Variants in DPP10 observed in about 807,000 individuals in gnomAD.
DPP10 encodes the protein inactive dipeptidyl peptidase 10.
DPP10 carries 33 observed loss-of-function variants against 120.9 expected under a neutral mutation model. That is an observed-to-expected ratio of 0.27 (90% CI 0.21 to 0.37). DPP10 has a LOEUF of 0.37. DPP10 is among the 10% of genes least tolerant of loss of function. DPP10 has a pLI of 1.00. For synonymous variants in DPP10, 337 were observed against 326.1 expected (o/e 1.03, Z -0.36); for missense variants, 816 against 942.8 (o/e 0.87, Z 1.76).
intron 1 of DPP10, among the ~76,000 whole-genome samples, chr2:114,449,889 G>A (rs573589804): frequency 2.4e-4 from 36 of 152,038 alleles, no homozygotes; most frequent in African/African-American, 8.0e-4. Context: ...GAAGTCACCC[G>A]GGGGATGAAA....
chr2:114,746,823 C>T (rs1354685904), intron 1 of DPP10, among the ~76,000 whole-genome samples: 2 of 152,138 alleles, frequency 1.3e-5, no homozygotes, highest in African/African-American at 2.4e-5. Context: ...TCACAAGGAA[C>T]AAGATGCTAT....
chr2:114,504,486 C>A (rs1392219391), intron 1 of DPP10, among the ~76,000 whole-genome samples: 1 of 152,090 alleles, frequency 6.6e-6, no homozygotes, highest in Non-Finnish European at 1.5e-5. Flanking sequence ...CACCCTCTAT[C>A]GTTGTCTCTA....
chr2:115,505,884 T>C (rs2076913043), intron 4 of DPP10, among the ~76,000 whole-genome samples: 1 of 152,132 alleles, frequency 6.6e-6, no homozygotes, highest in Non-Finnish European at 1.5e-5. Flanking sequence ...ATATGTTAAT[T>C]AGCTTGCTTT....
chr2:115,812,347 G>A (rs1252379475), intron 19 of DPP10, among the ~76,000 whole-genome samples: 1 of 152,066 alleles, frequency 6.6e-6, no homozygotes, highest in Non-Finnish European at 1.5e-5. Flanking sequence ...CCTGAAGAAG[G>A]TCTACTTCAA....
intron 1 of DPP10, chr2:115,234,125 C>T (rs963088335): frequency 1.2e-5 from 4 of 331,336 alleles, no homozygotes; most frequent in African/African-American, 9.0e-5. Flanking sequence ...TTTTATAGAT[C>T]TGTGTTTATT....
At chr2:115,075,615 C>T (rs1431250147) in intron 1 of DPP10, among the ~76,000 whole-genome samples, 1 of 151,766 alleles carries the variant, frequency 6.6e-6, no homozygotes, top group Non-Finnish European at 1.5e-5. Context: ...TTAAATATCT[C>T]TTGAATCTCT....
intron 1 of DPP10, among the ~76,000 whole-genome samples, chr2:115,160,917 GT>G (rs1466964784): frequency 6.6e-6 from 1 of 152,136 alleles, no homozygotes; most frequent in Admixed American, 6.5e-5. Flanking sequence ...CTCACAGTGT[GT>G]TTGGCACGTG....
chr2:114,792,063 C>T (rs1034489666), intron 1 of DPP10, among the ~76,000 whole-genome samples: 2 of 151,968 alleles, frequency 1.3e-5, no homozygotes, highest in African/African-American at 4.8e-5. Flanking sequence ...AGCCTGTTTC[C>T]TTGGAATTTT....
chr2:114,894,679 T>C (rs1692821669), intron 1 of DPP10, among the ~76,000 whole-genome samples: 2 of 152,168 alleles, frequency 1.3e-5, no homozygotes, highest in Admixed American at 6.6e-5. Flanking sequence ...GATTTTTAAA[T>C]AACCTGATTT....
intron 1 of DPP10, among the ~76,000 whole-genome samples, chr2:114,908,260 T>G (rs1449972622): frequency 6.6e-6 from 1 of 152,028 alleles, no homozygotes; most frequent in Non-Finnish European, 1.5e-5. Flanking sequence ...TCTAGTCTAA[T>G]GATCTTTCAC....
chr2:115,174,009 G>A (rs1166556783), intron 1 of DPP10, among the ~76,000 whole-genome samples: 1 of 152,190 alleles, frequency 6.6e-6, no homozygotes, highest in Non-Finnish European at 1.5e-5. Flanking sequence ...CTGTGATGAT[G>A]TCGATAAAGA....
intron 1 of DPP10, among the ~76,000 whole-genome samples, chr2:114,972,302 A>C (rs1699451031): frequency 6.6e-6 from 1 of 152,196 alleles, no homozygotes; most frequent in Admixed American, 6.5e-5. Flanking sequence ...AATTCAACAG[A>C]TGTTACATTC....
intron 1 of DPP10, among the ~76,000 whole-genome samples, chr2:115,004,365 C>A (rs1323271951): frequency 1.3e-5 from 2 of 152,100 alleles, no homozygotes; most frequent in South Asian, 2.1e-4. Context: ...GGGGGAGGAG[C>A]CAAGATGGCC....
chr2:115,586,236 A>G (rs1261688367), intron 5 of DPP10, among the ~76,000 whole-genome samples: 5 of 152,170 alleles, frequency 3.3e-5, no homozygotes, highest in Non-Finnish European at 5.9e-5. Context: ...CTGAGGCAGG[A>G]GAATTGTTTG....
intron 1 of DPP10, among the ~76,000 whole-genome samples, chr2:114,965,095 G>A (rs1038504155): frequency 6.6e-6 from 1 of 152,016 alleles, no homozygotes; most frequent in Non-Finnish European, 1.5e-5. Context: ...GAAATTCTAG[G>A]GAGGAGGAAG....
rs539221005 is a variant in DPP10 at position 115,824,712 on chromosome 2, A to G, written c.1950+8983A>G. ...TGTATATGCTACATTTTCGTTATCCAGTCTATCATTGATGGGCATTTGGGT... is the reference window on the plus strand; with the variant it reads ...TGTATATGCTACATTTTCGTTATCCGGTCTATCATTGATGGGCATTTGGGT... On this transcript the variant is annotated intron_variant, in intron 21 of 25. Coordinates refer to ENST00000410059, the MANE Select transcript of DPP10 (RefSeq NM_020868.6). 3.9e-5 allele frequency among the ~76,000 whole-genome samples: 6 copies of G among 152,210 alleles called. No homozygotes were observed. The East Asian group carries it at 7.7e-4, about 20-fold the overall frequency.
intron 3 of DPP10, among the ~76,000 whole-genome samples, chr2:115,460,489 G>C (rs1030185922): frequency 6.6e-6 from 1 of 152,124 alleles, no homozygotes; most frequent in Admixed American, 6.6e-5. Flanking sequence ...TCTTGTAGGA[G>C]TTTGAAAATG....
chr2:115,606,724 C>T (rs1398467142), intron 5 of DPP10, among the ~76,000 whole-genome samples: 1 of 152,102 alleles, frequency 6.6e-6, no homozygotes, highest in Non-Finnish European at 1.5e-5. Flanking sequence ...GTATGAATAC[C>T]AGTACTAATT....
chr2:115,822,942 A>C (rs1458261210), intron 21 of DPP10, among the ~76,000 whole-genome samples: 2 of 152,036 alleles, frequency 1.3e-5, no homozygotes, highest in Non-Finnish European at 2.9e-5. Context: ...AAAAATTGTT[A>C]CTAGAAGTTT....
Sources: allele counts gnomAD v4.1 joint callset (sites outside exome capture counted in the v4.1 genomes callset), GRCh38; gene constraint gnomAD v4.1.1; transcripts MANE v1.5; gene names NCBI Gene and HGNC (gene_info 2026-07-23, HGNC 2026-07-21).